BANK1: variants seen among roughly 807,000 people sequenced by gnomAD.
The protein encoded by BANK1 is B-cell scaffold protein with ankyrin repeats.
A neutral mutation model predicts 94.5 loss-of-function variants in BANK1; 95 were observed. The observed-to-expected ratio is 1.00, with a 90% CI of 0.85 to 1.19. The LOEUF (loss-of-function observed/expected upper bound fraction) is 1.19. Ranked by LOEUF, BANK1 falls within the 50% of genes most tolerant of loss-of-function variation. The probability of loss-of-function intolerance (pLI) is 0.00; values close to 1 mark genes in which losing one functional copy is unlikely to be tolerated. For missense variants in BANK1, 987 were observed against 932.2 expected (o/e 1.06, Z -0.77); for synonymous variants, 334 against 308.4 (o/e 1.08, Z -0.87).
At chr4:101,996,573 T>G (rs1193941612) in intron 7 of BANK1, among the ~76,000 whole-genome samples, 2 of 152,328 alleles carry the variant, frequency 1.3e-5, no homozygotes, top group East Asian at 1.9e-4. Flanking sequence ...TGGAATGTTT[T>G]TCCATTTGTT....
intron 13 of BANK1, among the ~76,000 whole-genome samples, chr4:102,066,401 C>CA (rs1354992411): frequency 6.6e-6 from 1 of 151,350 alleles, no homozygotes. Flanking sequence ...AGACTACAGG[C>CA]ACCCGCCACT....
rs185835261 is a variant in BANK1 at position 101,869,302 on chromosome 4, C to T, written c.764-1203C>T. 3.7e-3 allele frequency among the ~76,000 whole-genome samples: 562 copies of T among 151,948 alleles called. 3 individuals carry two copies. Among genetic ancestry groups the T allele is most frequent in the African/African-American group, 0.013 (530 of 41,508 alleles). ...TTGATTTCATTTGACTCCAATAACT[C>T]CAGAACTTCCATTACCATATGCGTA... On this transcript the variant is annotated intron_variant, in intron 4 of 16. Transcript: ENST00000322953.
intron 11 of BANK1, among the ~76,000 whole-genome samples, chr4:102,046,783 T>C (rs1254048367): frequency 6.6e-6 from 1 of 152,168 alleles, no homozygotes; most frequent in African/African-American, 2.4e-5. Context: ...GTTTGTCTTC[T>C]GCTGAAAAGA....
At chr4:101,802,196 A>G (rs1725377365) in intron 1 of BANK1, among the ~76,000 whole-genome samples, 1 of 152,226 alleles carries the variant, frequency 6.6e-6, no homozygotes, top group African/African-American at 2.4e-5. Flanking sequence ...CGCCCTTCCC[A>G]GTACTTCCCT....
chr4:102,042,172 C>A (rs1051111673), intron 10 of BANK1, among the ~76,000 whole-genome samples: 4 of 151,914 alleles, frequency 2.6e-5, no homozygotes, highest in Non-Finnish European at 5.9e-5. Context: ...TAAAGCATTG[C>A]ATTTTAAAGA....
chr4:102,054,274 C>T (rs1187426043), intron 11 of BANK1, among the ~76,000 whole-genome samples: 1 of 152,098 alleles, frequency 6.6e-6, no homozygotes, highest in Non-Finnish European at 1.5e-5. Context: ...TAATCACCTT[C>T]TGTACTATTC....
intron 3 of BANK1, among the ~76,000 whole-genome samples, chr4:101,859,343 A>C (rs948740798): frequency 4.6e-5 from 7 of 152,212 alleles, no homozygotes; most frequent in Non-Finnish European, 1.0e-4. Flanking sequence ...GTTTTCATAC[A>C]CACAAAATAA....
At chr4:101,898,064 C>A (rs1261140145) in intron 6 of BANK1, among the ~76,000 whole-genome samples, 1 of 151,786 alleles carries the variant, frequency 6.6e-6, no homozygotes, top group Non-Finnish European at 1.5e-5. Context: ...GGTATTATTG[C>A]ATAACAGATG....
At chr4:101,798,526 G>A (rs1725239902) in intron 1 of BANK1, among the ~76,000 whole-genome samples, 1 of 152,098 alleles carries the variant, frequency 6.6e-6, no homozygotes, top group African/African-American at 2.4e-5. Flanking sequence ...GATCCTTGAG[G>A]AATCGCCATA....
At chr4:101,959,344 T>C (rs183260608) in intron 7 of BANK1, among the ~76,000 whole-genome samples, 432 of 152,188 alleles carry the variant, frequency 2.8e-3, no homozygotes, top group Middle Eastern at 6.8e-3. Flanking sequence ...TTCACCATAT[T>C]GGCCAGGCTG....
chr4:101,961,827 T>C (rs368932600), intron 7 of BANK1, among the ~76,000 whole-genome samples: 4 of 152,238 alleles, frequency 2.6e-5, no homozygotes, highest in African/African-American at 9.6e-5. Context: ...CTCAACTCTG[T>C]CCAATGGGGT....
chr4:101,839,096 TATG>T (rs1726935670), intron 2 of BANK1, among the ~76,000 whole-genome samples: 1 of 152,240 alleles, frequency 6.6e-6, no homozygotes, highest in Non-Finnish European at 1.5e-5. Flanking sequence ...TCAGACATTT[TATG>T]ATATCACCAA....
At chr4:101,798,276 A>G (rs1358576389) in intron 1 of BANK1, among the ~76,000 whole-genome samples, 1 of 152,164 alleles carries the variant, frequency 6.6e-6, no homozygotes, top group East Asian at 1.9e-4. Flanking sequence ...GCTGTCTGAT[A>G]AGCAGCTGAA....
intron 5 of BANK1, among the ~76,000 whole-genome samples, chr4:101,873,241 G>T (rs925211250): frequency 2.0e-5 from 3 of 152,048 alleles, no homozygotes; most frequent in African/African-American, 4.8e-5. Flanking sequence ...TATGCCAGAA[G>T]ATTTGAATTT....
chr4:101,957,475 G>T (rs1348226506), intron 7 of BANK1, among the ~76,000 whole-genome samples: 3 of 152,110 alleles, frequency 2.0e-5, no homozygotes, highest in Non-Finnish European at 4.4e-5. Context: ...GCCTTTTCTC[G>T]ATTGAGTTCT....
intron 5 of BANK1, among the ~76,000 whole-genome samples, chr4:101,876,400 G>A (rs1728492425): frequency 6.6e-6 from 1 of 152,214 alleles, no homozygotes; most frequent in African/African-American, 2.4e-5. Context: ...GAGAATAAGA[G>A]TCTCTGCCTG....
chr4:101,933,282 A>G (rs1184678144), intron 7 of BANK1, among the ~76,000 whole-genome samples: 2 of 149,120 alleles, frequency 1.3e-5, no homozygotes, highest in African/African-American at 2.4e-5. Flanking sequence ...AGCGTATTCA[A>G]TGGCCACCAG....
Position 102,068,314 on chromosome 4 carries a change from AGAG to A in BANK1, c.2213-2957_2213-2955del, listed in dbSNP as rs530763831. ...AAAAGCAAACCTTCAAAAAGAGGTA[AGAG>A]GAGAGAAATAATTAAGATCAGAAAT... is the stretch of plus-strand genomic sequence containing the variant. On this transcript the variant is annotated intron_variant, in intron 13 of 16. Coordinates refer to ENST00000322953, the MANE Select transcript of BANK1 (RefSeq NM_017935.5). Among the ~76,000 whole-genome samples the A allele has an allele frequency of 3.8e-4, 58 of 152,272 alleles. No homozygotes were observed. The East Asian group carries it at 0.011, about 29-fold the overall frequency.
At chr4:101,943,011 T>G (rs1035143583) in intron 7 of BANK1, among the ~76,000 whole-genome samples, 2 of 151,820 alleles carry the variant, frequency 1.3e-5, no homozygotes, top group African/African-American at 4.8e-5. Flanking sequence ...TACCTCTAAA[T>G]TGAATTCCAA....
Sources: gnomAD v4.1 joint callset for allele counts (sites outside exome capture counted in the v4.1 genomes callset) on GRCh38, gnomAD v4.1.1 for gene constraint, MANE v1.5 for transcripts, NCBI Gene and HGNC (gene_info 2026-07-23, HGNC 2026-07-21) for gene names.